The following OPHN1 variants were observed in gnomAD, a reference collection of about 807,000 sequenced individuals.
OPHN1 encodes oligophrenin-1.
Under a neutral mutation model 60.7 loss-of-function variants are expected in OPHN1, and 11 were observed. That is an observed-to-expected ratio of 0.18 (90% CI 0.11 to 0.30). The LOEUF is 0.30. OPHN1 is among the 10% of genes least tolerant of loss of function. The pLI is 1.00. For missense variants in OPHN1, 449 were observed against 611.0 expected (o/e 0.73, Z 2.80); for synonymous variants, 226 against 222.6 (o/e 1.02, Z -0.14).
intron 2 of OPHN1, among the ~76,000 whole-genome samples, chrX:68,318,108 C>T (rs961289304): frequency 9.0e-6 from 1 of 111,510 alleles, no homozygotes; most frequent in African/African-American, 3.3e-5. Context: ...AAAAATCAAT[C>T]GTATTTGTAT....
At chrX:68,291,380 A>G (rs1018666440) in intron 3 of OPHN1, among the ~76,000 whole-genome samples, 12 of 111,982 alleles carry the variant, frequency 1.1e-4, no homozygotes, top group African/African-American at 3.9e-4. Context: ...ATTTTGTACC[A>G]CTTACTTGAC....
intron 18 of OPHN1, among the ~76,000 whole-genome samples, chrX:68,103,779 T>A (rs1367756558): frequency 1.8e-5 from 2 of 111,626 alleles, no homozygotes; most frequent in Non-Finnish European, 3.8e-5. Flanking sequence ...GGATGCCCTC[T>A]CTCACCACTC....
chrX:68,115,190 C>T (rs1341849780), intron 16 of OPHN1, among the ~76,000 whole-genome samples: 1 of 112,454 alleles, frequency 8.9e-6, no homozygotes, highest in Non-Finnish European at 1.9e-5. Flanking sequence ...TATACAAACC[C>T]ATATCCCCTG....
chrX:68,414,577 A>G (rs1478737377), intron 2 of OPHN1, among the ~76,000 whole-genome samples: 1 of 112,186 alleles, frequency 8.9e-6, no homozygotes, highest in Non-Finnish European at 1.9e-5. Context: ...ATTTATTAAG[A>G]GTATATTACT....
At chrX:68,226,851 T>C (rs1197870758) in intron 6 of OPHN1, among the ~76,000 whole-genome samples, 1 of 111,566 alleles carries the variant, frequency 9.0e-6, no homozygotes, top group African/African-American at 3.3e-5. Context: ...GCGAACATCA[T>C]AATCACAGGA....
At position 68,433,176 on chromosome X, in the gene OPHN1, GTGAGA is replaced by G. The variant is rs1202863756; in HGVS notation, c.-18_-14del. The G allele has an allele frequency of 1.8e-6, 1 of 552,562 alleles. No homozygotes were observed. Among genetic ancestry groups the G allele is most frequent in the African/African-American group, 2.3e-5 (1 of 42,918 alleles). 45.5% of individuals were successfully genotyped at this position (552,562 alleles called of 1,213,427 possible). On this transcript the variant is annotated 5_prime_UTR_variant, in exon 1 of 25. Coordinates refer to ENST00000355520, the MANE Select transcript of OPHN1 (RefSeq NM_002547.3). ...CTTTGGAGGACAGGTACCTGTTTCA[GTGAGA>G]CTCCTGAGGAGCGCTGGCTGGTCCG...
In OPHN1 at chrX:68,053,740, C is replaced by T. The variant is rs1468837677; in HGVS notation, c.2229G>A (p.Arg743=). The T allele has an allele frequency of 6.6e-6, 8 of 1,210,941 alleles. No individual in the cohort carries two copies. The highest frequency in any genetic ancestry group is 1.8e-5 in the South Asian group (1 of 56,835). The change falls in exon 22 of 25, where the codon AGG becomes AGA. Residue 743 remains arginine, a synonymous_variant. Transcript: ENST00000355520. ...EKPTIIRPPV[R]PPDPPCRAAT... ...CTGCCCGGCAGGGAGGATCTGGGGGCCTCACTGGGGGGCGGATGATGGTTG... is the reference window on the plus strand; with the variant it reads ...CTGCCCGGCAGGGAGGATCTGGGGGTCTCACTGGGGGGCGGATGATGGTTG...
At chrX:68,194,989 AG>A (rs375724214) in intron 12 of OPHN1, among the ~76,000 whole-genome samples, 1,587 of 93,320 alleles carry the variant, frequency 0.017, 74 homozygotes, top group African/African-American at 0.063. Flanking sequence ...AGAAAGAAAG[AG>A]AGAGAGAGAA....
intron 2 of OPHN1, among the ~76,000 whole-genome samples, chrX:68,413,788 A>G (rs1439098623): frequency 9.0e-6 from 1 of 111,697 alleles, no homozygotes; most frequent in African/African-American, 3.3e-5. Context: ...AATCCTAGAG[A>G]AAACATTATA....
chrX:68,349,161 C>A (rs936120650), intron 2 of OPHN1, among the ~76,000 whole-genome samples: 6 of 110,188 alleles, frequency 5.4e-5, no homozygotes, highest in African/African-American at 2.0e-4. Context: ...ATCCATCTGA[C>A]AAAGGGCTAA....
chrX:68,327,787 A>T (rs2078271293), intron 2 of OPHN1, among the ~76,000 whole-genome samples: 2 of 80,887 alleles, frequency 2.5e-5, no homozygotes, highest in Admixed American at 1.2e-4. Flanking sequence ...AAAATAAAAA[A>T]TAAAAAAAAT....
intron 15 of OPHN1, among the ~76,000 whole-genome samples, chrX:68,145,787 G>C (rs1317221226): frequency 8.9e-6 from 1 of 111,802 alleles, no homozygotes; most frequent in Non-Finnish European, 1.9e-5. Context: ...TCCTTCTACA[G>C]CTCACTTTGT....
At chrX:68,281,557 C>CA (rs769822599) in intron 4 of OPHN1, among the ~76,000 whole-genome samples, 56 of 111,288 alleles carry the variant, frequency 5.0e-4, no homozygotes, top group Non-Finnish European at 6.6e-4. Flanking sequence ...TCCATTAAAG[C>CA]AAAAATGTGT....
intron 5 of OPHN1, among the ~76,000 whole-genome samples, chrX:68,273,978 G>A (rs893557776): frequency 6.3e-5 from 7 of 111,943 alleles, no homozygotes; most frequent in Non-Finnish European, 1.1e-4. Context: ...CATGGCCAGA[G>A]CAGGAGCAAG....
At chrX:68,165,520 G>A (rs182957021) in intron 15 of OPHN1, among the ~76,000 whole-genome samples, 4 of 111,481 alleles carry the variant, frequency 3.6e-5, no homozygotes, top group African/African-American at 6.5e-5. Flanking sequence ...CTTATATAGC[G>A]TGGTTTGTGG....
intron 11 of OPHN1, among the ~76,000 whole-genome samples, chrX:68,200,311 G>T (rs1040910273): frequency 2.7e-5 from 3 of 111,207 alleles, no homozygotes; most frequent in Non-Finnish European, 1.9e-5. Flanking sequence ...AGCATTCTAG[G>T]ATAAGAAAAA....
chrX:68,210,017 T>C (rs778635458), intron 9 of OPHN1, 136 bp downstream of exon 9: 10 of 605,858 alleles, frequency 1.7e-5, no homozygotes, highest in Admixed American at 5.5e-5. Flanking sequence ...TTTTCAGTAT[T>C]CCCTGCCTGC....
rs1389510184 is a variant in OPHN1, at chrX:68,081,590, T to C, written c.1687-8291A>G. Among the ~76,000 whole-genome samples the C allele has an allele frequency of 9.8e-5, 11 of 112,056 alleles. No individual in the cohort carries two copies. The Admixed American group carries it at 1.0e-3, about 11-fold the overall frequency. On this transcript the variant is annotated intron_variant, in intron 19 of 24. Coordinates refer to ENST00000355520, the MANE Select transcript of OPHN1 (RefSeq NM_002547.3). ...ATGGTGCTTATACTATACTGTAGTC[T>C]AGTAAGTGTGCAATAGCATGATTCC...
At chrX:68,084,064 A>C (rs1445208333) in intron 19 of OPHN1, among the ~76,000 whole-genome samples, 1 of 110,907 alleles carries the variant, frequency 9.0e-6, no homozygotes, top group African/African-American at 3.3e-5. Context: ...AAGTGAGCCC[A>C]TGCTGTTGGA....
Sources: gnomAD v4.1 joint callset for allele counts (sites outside exome capture counted in the v4.1 genomes callset) on GRCh38, gnomAD v4.1.1 for gene constraint, MANE v1.5 for transcripts, NCBI Gene and HGNC (gene_info 2026-07-23, HGNC 2026-07-21) for gene names.